ATXN1: variants seen among roughly 807,000 people sequenced by gnomAD.
ATXN1 encodes the protein ataxin-1.
A neutral mutation model predicts 56.4 loss-of-function variants in ATXN1; 8 were observed. The observed-to-expected ratio is 0.14, with a 90% CI of 0.08 to 0.26. The LOEUF is 0.26. Among genes scored for constraint, ATXN1 ranks in the 10% least tolerant of loss-of-function variants. ATXN1 has a pLI of 1.00. For synonymous variants in ATXN1, 514 were observed against 494.6 expected, an observed-to-expected ratio of 1.04 and a Z score of -0.52; for missense variants, 987 against 1,106.5, an observed-to-expected ratio of 0.89 and a Z score of 1.53.
intron 5 of ATXN1, among the ~76,000 whole-genome samples, chr6:16,507,252 A>G (rs1760996741): frequency 6.6e-5 from 10 of 152,186 alleles, no homozygotes; most frequent in Admixed American, 6.5e-4. Context: ...AGATTTTCTA[A>G]TATATGGTAT....
chr6:16,732,691 T>C (rs1009163203), intron 2 of ATXN1, among the ~76,000 whole-genome samples: 1 of 152,232 alleles, frequency 6.6e-6, no homozygotes, highest in African/African-American at 2.4e-5. Flanking sequence ...TACAAATGCA[T>C]GCAGCACTTG....
In ATXN1 at chr6:16,760,827, C is replaced by T. The variant is rs1008338715; in HGVS notation, c.-730+471G>A. Among the ~76,000 whole-genome samples the T allele has an allele frequency of 6.6e-6, 1 of 151,132 alleles. No homozygotes were observed. The highest frequency in any genetic ancestry group is 2.4e-5 in the African/African-American group (1 of 41,302). On this transcript the variant is annotated intron_variant, in intron 1 of 7. Coordinates refer to ENST00000436367, the MANE Select transcript of ATXN1 (RefSeq NM_001128164.2). This position sits in a 1 kb window ranked among gnomAD's most constrained non-coding sequence, Gnocchi z 5.3. ...ACCCCCCAACCCCAGCCGCCGCCTC[C>T]CCCCTGCGCCACCCGGAGGGAGGAG...
At chr6:16,534,510 T>C (rs1471123089) in intron 4 of ATXN1, among the ~76,000 whole-genome samples, 2 of 151,818 alleles carry the variant, frequency 1.3e-5, no homozygotes, top group Non-Finnish European at 2.9e-5. Context: ...CCCTGATGTG[T>C]AGCATTTGCA....
At chr6:16,636,755 T>C (rs1398269266) in intron 3 of ATXN1, among the ~76,000 whole-genome samples, 1 of 152,232 alleles carries the variant, frequency 6.6e-6, no homozygotes, top group Admixed American at 6.5e-5. Context: ...ACAGGAAATG[T>C]CATAGCTTGA....
chr6:16,377,720 C>T (rs960489403), intron 6 of ATXN1, among the ~76,000 whole-genome samples: 4 of 152,106 alleles, frequency 2.6e-5, no homozygotes, highest in African/African-American at 9.7e-5. Flanking sequence ...GAATGTGGCA[C>T]AGAGAAGACA....
At chr6:16,610,896 G>C (rs1763094286) in intron 3 of ATXN1, among the ~76,000 whole-genome samples, 1 of 151,752 alleles carries the variant, frequency 6.6e-6, no homozygotes, top group Non-Finnish European at 1.5e-5. Context: ...CCAGGCGTGG[G>C]GCTGTGTGCC....
In ATXN1 at chr6:16,638,283, A is replaced by G. The variant is rs901644065; in HGVS notation, c.-489+19493T>C. On this transcript the variant is annotated intron_variant, in intron 3 of 7. Transcript: ENST00000436367. ...ACATAGTGAGACCCCCATCTCTACAAAAAAATACAAAAATTAGCTGAGCAT... is the reference window on the plus strand; with the variant it reads ...ACATAGTGAGACCCCCATCTCTACAGAAAAATACAAAAATTAGCTGAGCAT... Among the ~76,000 whole-genome samples the G allele has an allele frequency of 3.3e-5, 5 of 151,556 alleles. 1 individual carries two copies. The highest frequency in any genetic ancestry group is 1.2e-4 in the African/African-American group (5 of 41,314).
intron 5 of ATXN1, among the ~76,000 whole-genome samples, chr6:16,507,420 G>A (rs752461316): frequency 1.3e-5 from 2 of 152,152 alleles, no homozygotes; most frequent in South Asian, 2.1e-4. Flanking sequence ...CTTTGAATAC[G>A]CCAGACAAGT....
chr6:16,703,342 G>T (rs1178218533), intron 2 of ATXN1, among the ~76,000 whole-genome samples: 2 of 152,140 alleles, frequency 1.3e-5, no homozygotes, highest in Non-Finnish European at 2.9e-5. Context: ...GGGGTGGGGG[G>T]AAGGGGGAGG....
chr6:16,552,290 C>T (rs1761935583), intron 4 of ATXN1, among the ~76,000 whole-genome samples: 2 of 152,244 alleles, frequency 1.3e-5, no homozygotes, highest in South Asian at 4.1e-4. Context: ...GTCTAATGAG[C>T]AAGTCATCCC....
intron 2 of ATXN1, among the ~76,000 whole-genome samples, chr6:16,693,357 C>T (rs370229505): frequency 1.3e-5 from 2 of 152,322 alleles, no homozygotes; most frequent in East Asian, 3.9e-4. Context: ...AGCGGCCTTG[C>T]TTCCTTTCCA....
In ATXN1 at chr6:16,414,943, C is replaced by T. The variant is rs550317405; in HGVS notation, c.-161+71029G>A. 1.7e-3 allele frequency among the ~76,000 whole-genome samples: 265 copies of T among 152,298 alleles called. 4 individuals carry two copies. The highest frequency in any genetic ancestry group is 6.2e-3 in the African/African-American group (259 of 41,546). On this transcript the variant is annotated intron_variant, in intron 6 of 7. Coordinates refer to ENST00000436367, the MANE Select transcript of ATXN1 (RefSeq NM_001128164.2). ...GCACAATGGACTAAAAGTTGAGCTACTGGATTCTAGAACAAAATGTCACTT... is the reference window on the plus strand; with the variant it reads ...GCACAATGGACTAAAAGTTGAGCTATTGGATTCTAGAACAAAATGTCACTT...
chr6:16,521,047 A>G (rs1761278830), intron 5 of ATXN1, among the ~76,000 whole-genome samples: 1 of 152,204 alleles, frequency 6.6e-6, no homozygotes, highest in South Asian at 2.1e-4. Context: ...GGTGAGATGA[A>G]ATGTTTTGGA....
chr6:16,388,473 A>G (rs1758285508), intron 6 of ATXN1, among the ~76,000 whole-genome samples: 1 of 152,238 alleles, frequency 6.6e-6, no homozygotes, highest in Non-Finnish European at 1.5e-5. Context: ...CGGGAAGACC[A>G]CAGGCAGGTA....
At chr6:16,484,898 T>C (rs559660587) in intron 6 of ATXN1, among the ~76,000 whole-genome samples, 1 of 151,680 alleles carries the variant, frequency 6.6e-6, no homozygotes, top group African/African-American at 2.4e-5. Context: ...GTAATACATG[T>C]TCAAAAAAGT....
intron 4 of ATXN1, among the ~76,000 whole-genome samples, chr6:16,553,236 G>A (rs1339875537): frequency 6.6e-6 from 1 of 152,102 alleles, no homozygotes; most frequent in East Asian, 1.9e-4. Flanking sequence ...AGGCTATCTC[G>A]AACACTTATT....
At chr6:16,634,529 A>T (rs187737433) in intron 3 of ATXN1, among the ~76,000 whole-genome samples, 116 of 152,210 alleles carry the variant, frequency 7.6e-4, no homozygotes, top group African/African-American at 1.9e-3. Flanking sequence ...CTAATTTTAG[A>T]TTTTCTTCTC....
At chr6:16,660,529 A>G (rs988854656) in intron 2 of ATXN1, among the ~76,000 whole-genome samples, 6 of 152,198 alleles carry the variant, frequency 3.9e-5, no homozygotes, top group Non-Finnish European at 7.3e-5. Context: ...TGTTGTAGCT[A>G]ATTGGACTTT....
At chr6:16,567,727 T>C (rs1172193806) in intron 4 of ATXN1, among the ~76,000 whole-genome samples, 1 of 151,898 alleles carries the variant, frequency 6.6e-6, no homozygotes, top group East Asian at 1.9e-4. Context: ...GCCTTTTTAC[T>C]TTACAATCTA....
Sources: allele counts gnomAD v4.1 joint callset (sites outside exome capture counted in the v4.1 genomes callset), GRCh38; gene constraint gnomAD v4.1.1; non-coding constraint Gnocchi (gnomAD v3.1); transcripts MANE v1.5; gene names NCBI Gene and HGNC (gene_info 2026-07-23, HGNC 2026-07-21).